The following PIEZO2 variants were observed in gnomAD, a reference collection of about 807,000 sequenced individuals.
The protein encoded by PIEZO2 is piezo-type mechanosensitive ion channel component 2.
In PIEZO2, 172 loss-of-function variants were observed where a neutral mutation model predicts 337.3. The observed-to-expected ratio is 0.51, with a 90% CI of 0.45 to 0.58. The LOEUF is 0.58. Ranked by LOEUF, PIEZO2 falls within the 20% of genes least tolerant of loss-of-function variation. The pLI is 0.00. For synonymous variants in PIEZO2, 1,251 were observed against 1,228.5 expected, an observed-to-expected ratio of 1.02 and a Z score of -0.38; for missense variants, 3,028 against 3,391.3, an observed-to-expected ratio of 0.89 and a Z score of 2.66.
chr18:11,008,807 A>G (rs1193435094), intron 2 of PIEZO2, among the ~76,000 whole-genome samples: 2 of 152,198 alleles, frequency 1.3e-5, no homozygotes, highest in Middle Eastern at 3.2e-3. Flanking sequence ...AGAGGGGGTG[A>G]CAGGCCAGCT....
intron 3 of PIEZO2, among the ~76,000 whole-genome samples, chr18:10,978,335 C>CAAAAAAA (rs1272591644): frequency 7.3e-6 from 1 of 136,886 alleles, no homozygotes. Flanking sequence ...GACTCCATCT[C>CAAAAAAA]AAAAAAAAAA....
At chr18:10,681,782 A>G (rs755564451) in intron 50 of PIEZO2, 29 bp from the exon 51 acceptor site, 71 of 1,528,086 alleles carry the variant, frequency 4.6e-5, no homozygotes, top group Non-Finnish European at 6.1e-5. Context: ...AGTGTTGTCA[A>G]TATTCCCCAG....
In PIEZO2 at chr18:11,110,931, C is replaced by T. The variant is rs376402621; in HGVS notation, c.64+37594G>A. Among the ~76,000 whole-genome samples, 13 of 152,314 alleles carry T rather than the reference C, an allele frequency of 8.5e-5. No homozygotes were observed. In the East Asian group the frequency reaches 2.5e-3, roughly 29 times the overall value. Reference sequence around the variant, plus strand: ...GAGGTGAGGCCAGGATGCTGTGCCCCGCAAGCTCCCCTCCATGTGGTCTGC... The same window carrying T: ...GAGGTGAGGCCAGGATGCTGTGCCCTGCAAGCTCCCCTCCATGTGGTCTGC... On this transcript the variant is annotated intron_variant, in intron 1 of 55. Transcript: ENST00000674853. The surrounding 1 kb of genome is among the most constrained non-coding windows in gnomAD (Gnocchi z 4.2).
At chr18:10,749,605 G>C (rs1322112577) in intron 29 of PIEZO2, among the ~76,000 whole-genome samples, 2 of 152,326 alleles carry the variant, frequency 1.3e-5, no homozygotes, top group Non-Finnish European at 2.9e-5. Context: ...TGGTGGCAAT[G>C]ACACTTCTGC....
rs11080488 is a variant in PIEZO2, at chr18:11,092,367, A to G, written c.65-26145T>C. On this transcript the variant is annotated intron_variant, in intron 1 of 55. Transcript: ENST00000674853. This position sits in a 1 kb window ranked among gnomAD's most constrained non-coding sequence, Gnocchi z 4.5. ...ATAAATACAGAAAACTAAAAATACT[A>G]TATTCCATGTGATTCAATTTTATTA... Among the ~76,000 whole-genome samples, 22,814 of 152,230 alleles carry G rather than the reference A, an allele frequency of 0.15. 2,189 individuals are homozygous for G. The highest frequency in any genetic ancestry group is 0.42 in the East Asian group (2,152 of 5,166).
At chr18:10,731,217 A>ATATC (rs920739096) in intron 36 of PIEZO2, among the ~76,000 whole-genome samples, 190 bp downstream of exon 36, 3 of 128,760 alleles carry the variant, frequency 2.3e-5, no homozygotes, top group Non-Finnish European at 3.3e-5. Context: ...ATATATATAT[A>ATATC]TCTCCTAACT....
At chr18:11,093,251 C>T (rs1394242598) in intron 1 of PIEZO2, among the ~76,000 whole-genome samples, 1 of 152,224 alleles carries the variant, frequency 6.6e-6, no homozygotes, top group Non-Finnish European at 1.5e-5. Flanking sequence ...GACCTATACA[C>T]ACCCCTCAAG....
At position 10,780,355 on chromosome 18, in the gene PIEZO2, A is replaced by G. The variant is rs947351416; in HGVS notation, c.2504T>C (p.Val835Ala). ...EDNTIYSHAK[V>A]NGRVYLIINS... is the part of the protein sequence containing the mutation. ...TATTATTAGATATACGCGACCATTG[A>G]CTTTGGCATGGCTACGAGGTGGCAG... is the stretch of plus-strand genomic sequence containing the variant. The change falls in exon 18 of 56, where the codon GTC (valine) becomes GCC (alanine). Residue 835 changes from valine (V) to alanine (A), a missense_variant. Physicochemically the swap from Val to Ala is moderately conservative, Grantham distance 64 (BLOSUM62 0). Around this residue, in one of 5 missense-constraint regions of PIEZO2, gnomAD observed 1,925 missense variants for 2,051.9 expected, o/e 0.94. Transcript: ENST00000674853. 33 of 702,876 alleles carry G rather than the reference A, an allele frequency of 4.7e-5. No homozygotes were observed. The highest frequency in any genetic ancestry group is 2.0e-4 in the Admixed American group (10 of 49,996). 43.5% of individuals were successfully genotyped at this position (702,876 alleles called of 1,614,324 possible).
In PIEZO2 at chr18:10,773,714, C is replaced by T. The variant is rs1195020003; in HGVS notation, c.2568-85G>A. On this transcript the variant is annotated intron_variant, in intron 19 of 55. Coordinates refer to ENST00000674853, the MANE Select transcript of PIEZO2 (RefSeq NM_001378183.1). The surrounding 1 kb of genome is among the most constrained non-coding windows in gnomAD (Gnocchi z 5.3). ...GGGGCAAGTAAAAGGAGGATAAACA[C>T]AAATGAAATCAGTGCATGTACAAAG... 2 of 1,283,318 alleles carry T rather than the reference C, an allele frequency of 1.6e-6. No individual in the cohort carries two copies. Among genetic ancestry groups the T allele is most frequent in the African/African-American group, 2.9e-5 (2 of 67,898 alleles). 79.5% of individuals were successfully genotyped at this position (1,283,318 alleles called of 1,614,324 possible).
At position 11,096,018 on chromosome 18, in the gene PIEZO2, G is replaced by A. The variant is rs1235257931; in HGVS notation, c.65-29796C>T. On this transcript the variant is annotated intron_variant, in intron 1 of 55. Coordinates refer to ENST00000674853, the MANE Select transcript of PIEZO2 (RefSeq NM_001378183.1). This position sits in a 1 kb window ranked among gnomAD's most constrained non-coding sequence, Gnocchi z 4.6. The stretch of plus-strand genomic sequence containing the variant: ...ACTGAAAAACCTTTCTTGTGTGTGT[G>A]CCCAAGGAGAGACTATGAGAGGGAG... 2.0e-5 allele frequency among the ~76,000 whole-genome samples: 3 copies of A among 152,240 alleles called. No homozygotes were observed. Among genetic ancestry groups the A allele is most frequent in the Non-Finnish European group, 4.4e-5 (3 of 68,044 alleles).
rs1055967303 is a variant in PIEZO2, at chr18:10,773,922, A to G, written c.2567+84T>C. On this transcript the variant is annotated intron_variant, in intron 19 of 55. Coordinates refer to ENST00000674853, the MANE Select transcript of PIEZO2 (RefSeq NM_001378183.1). The surrounding 1 kb of genome is among the most constrained non-coding windows in gnomAD (Gnocchi z 5.3). Reference sequence around the variant, plus strand: ...CTAAACTTGACATTTTTCCCAGAGGAGAAAATGGTCAGAGTTTAGGGTGTA... The same window carrying G: ...CTAAACTTGACATTTTTCCCAGAGGGGAAAATGGTCAGAGTTTAGGGTGTA... The G allele has an allele frequency of 7.4e-6, 5 of 679,414 alleles. No individual in the cohort carries two copies. The highest frequency in any genetic ancestry group is 4.8e-4 in the Middle Eastern group (2 of 4,210). 42.1% of individuals were successfully genotyped at this position (679,414 alleles called of 1,614,324 possible).
In PIEZO2 at chr18:10,759,086, A is replaced by G. The variant is rs1375202708; in HGVS notation, c.3757+396T>C. Among the ~76,000 whole-genome samples, 1 of 152,148 alleles carries G rather than the reference A, an allele frequency of 6.6e-6. No homozygotes were observed. Among genetic ancestry groups the G allele is most frequent in the African/African-American group, 2.4e-5 (1 of 41,438 alleles). ...AACTAAAATCTGGGAAGCATCTCCC[A>G]GCATCCACTGTCCCATGTTCAGGGT... On this transcript the variant is annotated intron_variant, in intron 26 of 55. Transcript: ENST00000674853. This position sits in a 1 kb window ranked among gnomAD's most constrained non-coding sequence, Gnocchi z 5.5.
At chr18:10,708,999 G>T (rs1289899785) in intron 39 of PIEZO2, among the ~76,000 whole-genome samples, 4 of 152,268 alleles carry the variant, frequency 2.6e-5, no homozygotes, top group Non-Finnish European at 4.4e-5. Context: ...GTGATATTCA[G>T]TTAAGCCAAA....
At chr18:11,007,086 T>C (rs1405675185) in intron 2 of PIEZO2, among the ~76,000 whole-genome samples, 1 of 152,202 alleles carries the variant, frequency 6.6e-6, no homozygotes, top group East Asian at 1.9e-4. Flanking sequence ...TTGTTAACTA[T>C]AGTCTCCTTA....
intron 24 of PIEZO2, among the ~76,000 whole-genome samples, chr18:10,760,372 T>G (rs2038074310): frequency 6.6e-6 from 1 of 152,208 alleles, no homozygotes; most frequent in Non-Finnish European, 1.5e-5. Context: ...TGGTGCAAAC[T>G]TGGCTCACTG....
intron 1 of PIEZO2, among the ~76,000 whole-genome samples, chr18:11,140,127 G>C (rs2146277660): frequency 6.6e-6 from 1 of 152,282 alleles, no homozygotes; most frequent in African/African-American, 2.4e-5. Context: ...CTGCAGAGAA[G>C]AGCAGCCCCA....
At chr18:10,793,183 C>T (rs890224638) in intron 13 of PIEZO2, among the ~76,000 whole-genome samples, 2 of 151,946 alleles carry the variant, frequency 1.3e-5, no homozygotes, top group East Asian at 1.9e-4. Flanking sequence ...GGCGTGAACC[C>T]GGGAGGCGGA....
intron 17 of PIEZO2, among the ~76,000 whole-genome samples, chr18:10,782,799 C>G (rs1430586735): frequency 6.6e-6 from 1 of 151,974 alleles, no homozygotes; most frequent in Non-Finnish European, 1.5e-5. Flanking sequence ...TACATCTTGA[C>G]GTGGGCTGCA....
At chr18:10,678,544 A>G (rs977956147) in intron 52 of PIEZO2, among the ~76,000 whole-genome samples, 5 of 152,104 alleles carry the variant, frequency 3.3e-5, no homozygotes, top group Admixed American at 2.0e-4. Context: ...ACTCTCATGG[A>G]CCCAAATGAA....
Sources: gnomAD v4.1 joint callset for allele counts (sites outside exome capture counted in the v4.1 genomes callset) on GRCh38, gnomAD v4.1.1 for gene constraint, gnomAD v4.1.1 regional missense constraint, Gnocchi (gnomAD v3.1) non-coding constraint, MANE v1.5 for transcripts, NCBI Gene and HGNC (gene_info 2026-07-23, HGNC 2026-07-21) for gene names.